Variants in LRRC4C observed in about 807,000 individuals in gnomAD.
LRRC4C encodes the protein leucine rich repeat containing 4C, also known as leucine-rich repeat-containing protein 4C.
In LRRC4C, 5 loss-of-function variants were observed where a neutral mutation model predicts 33.6. The observed-to-expected ratio is 0.15, with a 90% CI of 0.08 to 0.31. LRRC4C has a LOEUF of 0.31. Among genes scored for constraint, LRRC4C ranks in the 10% least tolerant of loss-of-function variants. The pLI, the probability that LRRC4C is intolerant of heterozygous loss-of-function variation, is 1.00. For synonymous variants in LRRC4C, 329 were observed against 302.0 expected, an observed-to-expected ratio of 1.09 and a Z score of -0.93; for missense variants, 560 against 796.7, an observed-to-expected ratio of 0.70 and a Z score of 3.58.
chr11:40,470,089 A>T (rs981504583), intron 3 of LRRC4C, among the ~76,000 whole-genome samples: 13 of 152,200 alleles, frequency 8.5e-5, no homozygotes, highest in Non-Finnish European at 1.9e-4. Flanking sequence ...CCTGACTAGG[A>T]GATACCTCCC....
chr11:41,415,927 T>C (rs1954661742), intron 1 of LRRC4C, among the ~76,000 whole-genome samples: 1 of 152,034 alleles, frequency 6.6e-6, no homozygotes. Flanking sequence ...TTCTGACTTG[T>C]CCAAGTCCAG....
chr11:40,857,429 A>C (rs1434783168), intron 2 of LRRC4C, among the ~76,000 whole-genome samples: 2 of 152,066 alleles, frequency 1.3e-5, no homozygotes, highest in African/African-American at 4.8e-5. Flanking sequence ...GCTCCCACTT[A>C]CAAATGAGAG....
At chr11:40,989,455 G>C (rs1445969713) in intron 1 of LRRC4C, among the ~76,000 whole-genome samples, 1 of 152,142 alleles carries the variant, frequency 6.6e-6, no homozygotes, top group Non-Finnish European at 1.5e-5. Context: ...TAAGAGGCTA[G>C]GCTGGGAGTC....
intron 2 of LRRC4C, among the ~76,000 whole-genome samples, chr11:40,687,103 T>C (rs34339418): frequency 6.6e-6 from 1 of 152,008 alleles, no homozygotes; most frequent in Non-Finnish European, 1.5e-5. Context: ...TTGAAACTTG[T>C]TTTTTAAGAT....
intron 1 of LRRC4C, among the ~76,000 whole-genome samples, chr11:41,432,691 C>T (rs543630049): frequency 1.3e-5 from 2 of 152,016 alleles, no homozygotes; most frequent in East Asian, 3.9e-4. Flanking sequence ...TGGAGTCTCC[C>T]TATAGGATAC....
At chr11:40,389,229 G>T (rs1361444989) in intron 3 of LRRC4C, among the ~76,000 whole-genome samples, 1 of 152,094 alleles carries the variant, frequency 6.6e-6, no homozygotes, top group Non-Finnish European at 1.5e-5. Context: ...AGAAGTTACT[G>T]GAGCCACTAA....
At chr11:40,137,163 CGTGTGT>C (rs3039962) in intron 6 of LRRC4C, among the ~76,000 whole-genome samples, 131 of 147,790 alleles carry the variant, frequency 8.9e-4, no homozygotes, top group African/African-American at 3.0e-3. Flanking sequence ...CACGTGGGCA[CGTGTGT>C]GTGTGTGTGT....
intron 5 of LRRC4C, among the ~76,000 whole-genome samples, chr11:40,142,797 T>C (rs1462176): frequency 0.9 from 137,262 of 151,896 alleles, 62,212 homozygotes; most frequent in Middle Eastern, 0.96. Context: ...AACTGAAGAC[T>C]GCCAAACTTA....
chr11:41,048,809 T>C (rs1043372359), intron 1 of LRRC4C, among the ~76,000 whole-genome samples: 8 of 152,208 alleles, frequency 5.3e-5, no homozygotes, highest in African/African-American at 1.9e-4. Context: ...TAACAGATAC[T>C]GTGGATACTG....
At chr11:41,453,863 C>T (rs1026090486) in intron 1 of LRRC4C, among the ~76,000 whole-genome samples, 5 of 152,002 alleles carry the variant, frequency 3.3e-5, no homozygotes, top group African/African-American at 1.2e-4. Flanking sequence ...AAAGCTTCAA[C>T]CACAAATTCT....
chr11:40,453,086 A>T (rs184397666), intron 3 of LRRC4C, among the ~76,000 whole-genome samples: 1 of 152,194 alleles, frequency 6.6e-6, no homozygotes, highest in African/African-American at 2.4e-5. Flanking sequence ...ATGTTAAATG[A>T]CGAGTTAATG....
At chr11:40,336,580 T>C (rs1482318480) in intron 3 of LRRC4C, among the ~76,000 whole-genome samples, 1 of 152,170 alleles carries the variant, frequency 6.6e-6, no homozygotes, top group Non-Finnish European at 1.5e-5. Context: ...ATTTCAAGGC[T>C]TATCTCTCAC....
At chr11:40,920,604 G>A (rs141027271) in intron 2 of LRRC4C, among the ~76,000 whole-genome samples, 1 of 152,144 alleles carries the variant, frequency 6.6e-6, no homozygotes, top group African/African-American at 2.4e-5. Flanking sequence ...ACACATTTAG[G>A]TTTTTTCAGA....
At chr11:40,258,679 T>C (rs988454131) in intron 4 of LRRC4C, among the ~76,000 whole-genome samples, 1 of 152,220 alleles carries the variant, frequency 6.6e-6, no homozygotes, top group Non-Finnish European at 1.5e-5. Flanking sequence ...ATTAAGCCTA[T>C]AATTACATTT....
At chr11:41,168,111 C>A (rs559525957) in intron 1 of LRRC4C, among the ~76,000 whole-genome samples, 2 of 152,094 alleles carry the variant, frequency 1.3e-5, no homozygotes, top group African/African-American at 4.8e-5. Context: ...GCATATATAT[C>A]CCACCTGCAG....
chr11:40,713,753 A>T (rs1165609024), intron 2 of LRRC4C, among the ~76,000 whole-genome samples: 1 of 152,136 alleles, frequency 6.6e-6, no homozygotes, highest in Non-Finnish European at 1.5e-5. Context: ...GTATTTTCAA[A>T]TCTCAAAGCT....
chr11:40,469,300 C>T (rs1306927865), intron 3 of LRRC4C, among the ~76,000 whole-genome samples: 1 of 152,160 alleles, frequency 6.6e-6, no homozygotes, highest in Non-Finnish European at 1.5e-5. Flanking sequence ...CCTCCCCTAG[C>T]CAAGGGAAGC....
intron 2 of LRRC4C, among the ~76,000 whole-genome samples, chr11:40,759,379 T>G (rs1183689371): frequency 3.3e-5 from 5 of 149,760 alleles, no homozygotes; most frequent in African/African-American, 1.2e-4. Flanking sequence ...AGTGGTTATG[T>G]GAGTAAAAAT....
Position 41,090,268 on chromosome 11 carries a change from T to A in LRRC4C, c.-495-156545A>T, listed in dbSNP as rs921018155. Among the ~76,000 whole-genome samples, 4 of 152,158 alleles carry A rather than the reference T, an allele frequency of 2.6e-5. No homozygotes were observed. The East Asian group carries it at 7.7e-4, about 29-fold the overall frequency. On this transcript the variant is annotated intron_variant, in intron 1 of 6. Transcript: ENST00000528697. The stretch of plus-strand genomic sequence containing the variant: ...AGAGAGAAACAGAGAGAGGGAGTAA[T>A]GAACAACATCTGGAAAAATTATACA...
Sources: allele counts gnomAD v4.1 joint callset (sites outside exome capture counted in the v4.1 genomes callset), GRCh38; gene constraint gnomAD v4.1.1; transcripts MANE v1.5; gene names NCBI Gene and HGNC (gene_info 2026-07-23, HGNC 2026-07-21).